The following RALYL variants were observed in gnomAD, a reference collection of about 807,000 sequenced individuals.
RALYL encodes RALY RNA binding protein like.
Under a neutral mutation model 35.1 loss-of-function variants are expected in RALYL, and 29 were observed. The ratio of observed to expected loss-of-function variants is 0.83; its 90% CI spans 0.61 to 1.13. The LOEUF (loss-of-function observed/expected upper bound fraction) is 1.13. RALYL is among the 50% of genes most tolerant of loss of function. The pLI is 0.00. For missense variants in RALYL, 359 were observed against 360.4 expected, an observed-to-expected ratio of 1.00 and a Z score of 0.03; for synonymous variants, 120 against 127.6, an observed-to-expected ratio of 0.94 and a Z score of 0.40.
intron 1 of RALYL, among the ~76,000 whole-genome samples, chr8:84,460,001 G>C (rs2050571793): frequency 6.6e-6 from 1 of 151,692 alleles, no homozygotes; most frequent in Non-Finnish European, 1.5e-5. Flanking sequence ...TAAAAAACAG[G>C]AACAAGGTTT....
At chr8:84,842,346 G>A (rs1032152404) in intron 4 of RALYL, among the ~76,000 whole-genome samples, 7 of 152,060 alleles carry the variant, frequency 4.6e-5, no homozygotes, top group Non-Finnish European at 7.4e-5. Flanking sequence ...ACACCTCTAC[G>A]CAAATAAACT....
chr8:84,265,915 G>A (rs968948193), intron 1 of RALYL, among the ~76,000 whole-genome samples: 1 of 151,978 alleles, frequency 6.6e-6, no homozygotes, highest in Non-Finnish European at 1.5e-5. Context: ...TTCCTTTCCT[G>A]TACCCACAGT....
At chr8:84,913,032 A>ATCGG (rs567355226) in intron 8 of RALYL, among the ~76,000 whole-genome samples, 2 of 109,048 alleles carry the variant, frequency 1.8e-5, no homozygotes. Flanking sequence ...GGATGGATGG[A>ATCGG]TAGGTAGGTA....
At chr8:84,528,795 A>C (rs1469457252) in intron 1 of RALYL, among the ~76,000 whole-genome samples, 2 of 152,128 alleles carry the variant, frequency 1.3e-5, no homozygotes, top group Non-Finnish European at 2.9e-5. Flanking sequence ...TTAATGGAAC[A>C]AATTGTTAGT....
At chr8:84,248,988 T>C (rs1829669999) in intron 1 of RALYL, among the ~76,000 whole-genome samples, 1 of 152,082 alleles carries the variant, frequency 6.6e-6, no homozygotes, top group Admixed American at 6.6e-5. Context: ...GGTTCTCTTT[T>C]TATATATTTG....
intron 2 of RALYL, among the ~76,000 whole-genome samples, chr8:84,730,547 G>T (rs921489501): frequency 7.2e-5 from 11 of 152,042 alleles, no homozygotes; most frequent in African/African-American, 2.7e-4. Flanking sequence ...CAATTAGGCA[G>T]GAGAAGGAAA....
At chr8:84,782,029 GCGCACA>G (rs1818294940) in intron 3 of RALYL, among the ~76,000 whole-genome samples, 2 of 123,842 alleles carry the variant, frequency 1.6e-5, no homozygotes, top group African/African-American at 6.2e-5. Flanking sequence ...GTGCACACGC[GCGCACA>G]CACACACACA....
chr8:84,602,434 C>T (rs894090421), intron 2 of RALYL, among the ~76,000 whole-genome samples: 1 of 152,086 alleles, frequency 6.6e-6, no homozygotes, highest in African/African-American at 2.4e-5. Flanking sequence ...CAGTATTTCT[C>T]ATCTGAATTA....
chr8:84,648,106 G>A (rs1488352842), intron 2 of RALYL, among the ~76,000 whole-genome samples: 2 of 151,962 alleles, frequency 1.3e-5, no homozygotes, highest in Non-Finnish European at 2.9e-5. Flanking sequence ...TTGAGCATGT[G>A]CGCACATGCG....
At chr8:84,490,685 A>G (rs754231780) in intron 1 of RALYL, among the ~76,000 whole-genome samples, 2 of 151,230 alleles carry the variant, frequency 1.3e-5, no homozygotes, top group African/African-American at 2.4e-5. Flanking sequence ...GATAAAAAAG[A>G]TGTGGGTATT....
chr8:84,750,250 A>G (rs930344503), intron 2 of RALYL, among the ~76,000 whole-genome samples: 4 of 152,202 alleles, frequency 2.6e-5, no homozygotes, highest in Non-Finnish European at 5.9e-5. Flanking sequence ...TCTTTTACAA[A>G]AAGATACATC....
chr8:84,842,157 C>CA (rs1161220619), intron 4 of RALYL, among the ~76,000 whole-genome samples: 38 of 150,370 alleles, frequency 2.5e-4, no homozygotes, highest in Non-Finnish European at 5.0e-4. Context: ...AAAAACCCTT[C>CA]AAAAAATTAA....
intron 8 of RALYL, among the ~76,000 whole-genome samples, chr8:84,895,773 A>G (rs1265049378): frequency 6.6e-6 from 1 of 152,152 alleles, no homozygotes; most frequent in African/African-American, 2.4e-5. Flanking sequence ...CGGCCTCCCA[A>G]AGTGCTGGGA....
chr8:84,422,089 T>C (rs2045700603), intron 1 of RALYL, among the ~76,000 whole-genome samples: 1 of 151,138 alleles, frequency 6.6e-6, no homozygotes, highest in Admixed American at 6.6e-5. Flanking sequence ...GATTCCCTCT[T>C]TTTCTATTGA....
intron 1 of RALYL, among the ~76,000 whole-genome samples, chr8:84,397,052 A>G (rs945062234): frequency 3.3e-5 from 5 of 152,150 alleles, no homozygotes; most frequent in East Asian, 1.9e-4. Context: ...GTTGGGCCCA[A>G]TGTAATTATA....
At chr8:84,812,061 G>T (rs551104872) in intron 4 of RALYL, among the ~76,000 whole-genome samples, 1 of 152,082 alleles carries the variant, frequency 6.6e-6, no homozygotes, top group Non-Finnish European at 1.5e-5. Flanking sequence ...ATTTTTGGGG[G>T]TGTTTAAGAG....
intron 2 of RALYL, among the ~76,000 whole-genome samples, chr8:84,661,930 AT>A (rs1168192830): frequency 6.9e-6 from 1 of 145,826 alleles, no homozygotes; most frequent in Non-Finnish European, 1.5e-5. Context: ...TCATAGTCAC[AT>A]TTTTGTTACT....
intron 1 of RALYL, among the ~76,000 whole-genome samples, chr8:84,520,581 T>C (rs1465377789): frequency 2.0e-5 from 3 of 152,196 alleles, no homozygotes; most frequent in Admixed American, 6.5e-5. Context: ...GGTATCGGTC[T>C]GTCACCTGTT....
intron 3 of RALYL, among the ~76,000 whole-genome samples, chr8:84,775,780 A>G (rs1311117476): frequency 1.3e-5 from 2 of 152,222 alleles, no homozygotes; most frequent in Non-Finnish European, 2.9e-5. Context: ...GTAAACTTAT[A>G]TAACTTTCAG....
Sources: gnomAD v4.1 joint callset for allele counts (sites outside exome capture counted in the v4.1 genomes callset) on GRCh38, gnomAD v4.1.1 for gene constraint, MANE v1.5 for transcripts, NCBI Gene and HGNC (gene_info 2026-07-23, HGNC 2026-07-21) for gene names.